Variants in MCC observed in about 807,000 individuals in gnomAD.
The protein encoded by MCC is MCC regulator of Wnt signaling pathway.
In MCC, 90 loss-of-function variants were observed where a neutral mutation model predicts 116.2. That is an observed-to-expected ratio of 0.77 (90% CI 0.65 to 0.92). MCC has a LOEUF of 0.92. Among genes scored for constraint, MCC ranks in the 40% least tolerant of loss-of-function variants. The probability of loss-of-function intolerance (pLI) is 0.00; values close to 1 mark genes in which losing one functional copy is unlikely to be tolerated. For synonymous variants in MCC, 578 were observed against 510.5 expected (o/e 1.13, Z -1.78); for missense variants, 1,516 against 1,312.2 (o/e 1.16, Z -2.40).
intron 3 of MCC, among the ~76,000 whole-genome samples, chr5:113,232,232 A>C (rs555903635): frequency 1.3e-5 from 2 of 152,208 alleles, no homozygotes; most frequent in Non-Finnish European, 2.9e-5. Flanking sequence ...AAAACAACAT[A>C]TCCAGAATCC....
intron 8 of MCC, among the ~76,000 whole-genome samples, chr5:113,088,012 A>G (rs891211916): frequency 6.6e-6 from 1 of 152,240 alleles, no homozygotes; most frequent in Admixed American, 6.5e-5. Flanking sequence ...CTTGCTGTGT[A>G]TGTGCACACA....
chr5:113,272,609 T>C (rs993749722), intron 3 of MCC, among the ~76,000 whole-genome samples: 3 of 152,174 alleles, frequency 2.0e-5, no homozygotes, highest in African/African-American at 4.8e-5. Flanking sequence ...TTGTCCATGT[T>C]AGGATATGTT....
intron 2 of MCC, among the ~76,000 whole-genome samples, chr5:113,382,137 G>C (rs1769140297): frequency 1.3e-5 from 2 of 152,136 alleles, no homozygotes; most frequent in South Asian, 2.1e-4. Context: ...GGGACACAAA[G>C]TCAAGAGAGG....
At chr5:113,105,743 C>G (rs1311683980) in intron 6 of MCC, among the ~76,000 whole-genome samples, 1 of 152,214 alleles carries the variant, frequency 6.6e-6, no homozygotes, top group Non-Finnish European at 1.5e-5. Flanking sequence ...CTGTAACAAT[C>G]TCCTGCCTCT....
chr5:113,223,055 A>G (rs1763607996), intron 3 of MCC, among the ~76,000 whole-genome samples: 1 of 152,188 alleles, frequency 6.6e-6, no homozygotes, highest in Admixed American at 6.5e-5. Flanking sequence ...TGTGTATCCC[A>G]GGCAGCCAGG....
intron 3 of MCC, among the ~76,000 whole-genome samples, chr5:113,337,608 C>G (rs911884981): frequency 6.6e-6 from 1 of 152,154 alleles, no homozygotes; most frequent in African/African-American, 2.4e-5. Context: ...AGTAGGTAAT[C>G]CTCTGCTACT....
At chr5:113,410,033 T>A (rs1218760312) in intron 1 of MCC, among the ~76,000 whole-genome samples, 5 of 152,242 alleles carry the variant, frequency 3.3e-5, no homozygotes, top group Admixed American at 2.6e-4. Flanking sequence ...TACACTTATG[T>A]GTGTGGATCT....
chr5:113,028,895 G>A, intron 18 of MCC, 39 bp downstream of exon 18: 2 of 1,604,504 alleles, frequency 1.2e-6, no homozygotes, highest in Non-Finnish European at 1.7e-6. Context: ...AGTACCACAG[G>A]TGGAGGGCGG....
At chr5:113,047,169 A>G (rs1170104004) in intron 16 of MCC, among the ~76,000 whole-genome samples, 2 of 152,110 alleles carry the variant, frequency 1.3e-5, no homozygotes, top group Admixed American at 1.3e-4. Context: ...CTGTCCTCCC[A>G]TGGTGCTAAG....
rs946214946 is a variant in MCC, at chr5:113,341,786, C to T, written c.416-1056G>A. Among the ~76,000 whole-genome samples the T allele has an allele frequency of 9.9e-5, 15 of 152,120 alleles. No individual in the cohort carries two copies. The East Asian group carries it at 2.9e-3, about 29-fold the overall frequency. ...ATCACTTGCAGAAGAGGTGTCTGCT[C>T]ATCCTAAGTACCCTATTTTGCCCTA... On this transcript the variant is annotated intron_variant, in intron 2 of 18. Transcript: ENST00000408903.
chr5:113,137,610 T>C (rs1758917480), intron 5 of MCC, among the ~76,000 whole-genome samples: 1 of 152,152 alleles, frequency 6.6e-6, no homozygotes, highest in Non-Finnish European at 1.5e-5. Flanking sequence ...TTGTTGAGGA[T>C]TTTTACCTCT....
intron 13 of MCC, 124 bp downstream of exon 13, chr5:113,067,956 A>G: frequency 1.3e-6 from 1 of 781,508 alleles, no homozygotes; most frequent in East Asian, 2.5e-5. Flanking sequence ...GAAAAACGAA[A>G]AACACACTTG....
chr5:113,356,272 G>C (rs1768409934), intron 2 of MCC, among the ~76,000 whole-genome samples: 3 of 151,238 alleles, frequency 2.0e-5, no homozygotes. Flanking sequence ...CCTGGCTTCA[G>C]GTGATCCTCG....
intron 1 of MCC, among the ~76,000 whole-genome samples, chr5:113,466,487 T>C (rs915940893): frequency 1.3e-5 from 2 of 152,162 alleles, no homozygotes; most frequent in South Asian, 4.2e-4. Context: ...TCCAGTTTCA[T>C]CCATGTCCCT....
intron 11 of MCC, among the ~76,000 whole-genome samples, chr5:113,078,856 A>C (rs1341482664): frequency 2.6e-5 from 4 of 152,240 alleles, no homozygotes; most frequent in Non-Finnish European, 4.4e-5. Flanking sequence ...TTAGGAAAAG[A>C]GGAAGTCAAA....
At chr5:113,186,788 C>T (rs1443613151) in intron 3 of MCC, among the ~76,000 whole-genome samples, 14 of 152,088 alleles carry the variant, frequency 9.2e-5, no homozygotes, top group Admixed American at 9.2e-4. Context: ...TCCTATCTTG[C>T]TTTATTTCAG....
chr5:113,457,206 G>A (rs1771584985), intron 1 of MCC, among the ~76,000 whole-genome samples: 1 of 152,380 alleles, frequency 6.6e-6, no homozygotes, highest in East Asian at 1.9e-4. Flanking sequence ...GGAGTTCCAG[G>A]TGGGCCTGGG....
intron 3 of MCC, among the ~76,000 whole-genome samples, chr5:113,264,092 G>T (rs954434406): frequency 6.6e-6 from 1 of 152,132 alleles, no homozygotes; most frequent in African/African-American, 2.4e-5. Context: ...AAGTGATTCC[G>T]AAAGATATGA....
At chr5:113,482,740 A>C (rs1014395731) in intron 1 of MCC, among the ~76,000 whole-genome samples, 2 of 152,134 alleles carry the variant, frequency 1.3e-5, no homozygotes, top group African/African-American at 2.4e-5. Flanking sequence ...TGAAGCATAA[A>C]CTTAAAAAAT....
Sources: allele counts gnomAD v4.1 joint callset (sites outside exome capture counted in the v4.1 genomes callset), GRCh38; gene constraint gnomAD v4.1.1; transcripts MANE v1.5; gene names NCBI Gene and HGNC (gene_info 2026-07-23, HGNC 2026-07-21).